The following DACT3 variants were observed in gnomAD, a reference collection of about 807,000 sequenced individuals.
DACT3 encodes the protein dishevelled binding antagonist of beta catenin 3.
In DACT3, 5 loss-of-function variants were observed where a neutral mutation model predicts 19.6. The observed-to-expected ratio is 0.26, with a 90% CI of 0.13 to 0.54. The LOEUF (loss-of-function observed/expected upper bound fraction) is 0.54. DACT3 is among the 20% of genes least tolerant of loss of function. The pLI is 0.95. For synonymous variants in DACT3, 454 were observed against 428.1 expected, an observed-to-expected ratio of 1.06 and a Z score of -0.75; for missense variants, 908 against 927.4, an observed-to-expected ratio of 0.98 and a Z score of 0.27.
intron 1 of DACT3, chr19:46,659,019 GCCTTGAAGGAAGTGTATT>G: frequency 1.1e-6 from 1 of 886,276 alleles, no homozygotes; most frequent in Non-Finnish European, 1.4e-6. Flanking sequence ...AGTCTTTCTT[GCCTTGAAGGAAGTGTATT>G]CCTGGCAGGG....
In DACT3 at chr19:46,660,870, C is replaced by T. The variant is rs571911443; in HGVS notation, c.195G>A (p.Glu65=). 4.8e-4 allele frequency: 741 copies of T among 1,532,134 alleles called. 4 individuals carry two copies. In the African/African-American group the frequency reaches 9.4e-3, roughly 19 times the overall value. The allele number at this position is 1,532,134 out of a possible 1,614,324, so 94.9% of individuals were successfully genotyped here. Residue 65 remains glutamate (E), a synonymous_variant, in exon 1 of 4, where the codon GAG becomes GAA. Coordinates refer to ENST00000391916, the MANE Select transcript of DACT3 (RefSeq NM_145056.3). This position sits in a 1 kb window ranked among gnomAD's most constrained non-coding sequence, Gnocchi z 4.9. ...AEAEDEEDAD[E]DEDAAAARRA... Reference sequence around the variant, plus strand: ...GGCGCGCCGCCGCCGCATCTTCATCCTCATCGGCGTCCTCCTCGTCCTCGG... The same window carrying T: ...GGCGCGCCGCCGCCGCATCTTCATCTTCATCGGCGTCCTCCTCGTCCTCGG...
Position 46,652,653 on chromosome 19 carries a change from A to G in DACT3, c.499+7T>C. The G allele has an allele frequency of 6.5e-7, 1 of 1,549,914 alleles. No individual in the cohort carries two copies. Among genetic ancestry groups the G allele is most frequent in the Non-Finnish European group, 8.7e-7 (1 of 1,146,780 alleles). On this transcript the variant is annotated splice_region_variant and intron_variant, in intron 3 of 3. Coordinates refer to ENST00000391916, the MANE Select transcript of DACT3 (RefSeq NM_145056.3). ...TGGCCCCAGGGCCCCACCCTCACCC[A>G]CCTTACCTAGGGACTTGGGCCTCTC...
rs1024249415 is a variant in DACT3 at position 46,649,066 on chromosome 19, C to T, written c.1306G>A (p.Ala436Thr). 335 of 1,290,748 alleles carry T rather than the reference C, an allele frequency of 2.6e-4. No homozygotes were observed. Among genetic ancestry groups the T allele is most frequent in the Non-Finnish European group, 3.2e-4 (324 of 1,021,684 alleles). 80.0% of individuals were successfully genotyped at this position (1,290,748 alleles called of 1,614,324 possible). ...TACTTAGGGGGCCCCGAAGGGACCG[C>T]GGAGGCGCGGCCCAGCAGGCTGGTC... ...SETSLLGRAS[A>T]VPSGPPKYPT... Residue 436 changes from alanine (A) to threonine (T), a missense_variant, in exon 4 of 4, where the codon GCG (alanine) becomes ACG (threonine). This residue lies in a region of DACT3 where 656 missense variants were observed against 601.8 expected (regional missense o/e 1.09). Transcript: ENST00000391916.
rs1335645864 is a variant in DACT3 at position 46,661,036 on chromosome 19, C to A, written c.29G>T (p.Ser10Ile). 2.0e-6 allele frequency: 3 copies of A among 1,517,616 alleles called. No homozygotes were observed. In the African/African-American group the frequency reaches 4.3e-5, roughly 22 times the overall value. 94.0% of individuals were successfully genotyped at this position (1,517,616 alleles called of 1,614,324 possible). A position where few individuals can be genotyped will look rare whatever the true frequency, so the allele number is the denominator to read the frequency against. Residue 10 changes from serine to isoleucine, a missense_variant, in exon 1 of 4, where the codon AGC (serine) becomes ATC (isoleucine). Physicochemically the swap from Ser to Ile is moderately radical, Grantham distance 142. Around this residue, in one of 2 missense-constraint regions of DACT3, gnomAD observed 252 missense variants for 325.6 expected, o/e 0.77. Coordinates refer to ENST00000391916, the MANE Select transcript of DACT3 (RefSeq NM_145056.3). ...GCCCCGCAGCCGGCCCCGCTCAGGG[C>A]TCACCGGGAACGAGAAGGCCCGGAT... MIRAFSFPV[S>I]PERGRLRGWL...
intron 1 of DACT3, chr19:46,654,091 A>G (rs920127996): frequency 1.0e-6 from 1 of 985,232 alleles, no homozygotes; most frequent in African/African-American, 1.7e-5. Flanking sequence ...CAGCCATCCC[A>G]GCACGTTCCT....
Position 46,660,831 on chromosome 19 carries a change from G to A in DACT3, c.234C>T (p.Ala78=). The change falls in exon 1 of 4, where the codon GCC becomes GCT. Residue 78 remains alanine, a synonymous_variant. Coordinates refer to ENST00000391916, the MANE Select transcript of DACT3 (RefSeq NM_145056.3). This position sits in a 1 kb window ranked among gnomAD's most constrained non-coding sequence, Gnocchi z 4.9. ...AGCCCCTTACCAGCTGCTCCTCCAG[G>A]GCCGCTGCGGCCCGGCGCGCCGCCG... ...DAAAARRAAA[A]LEEQLEALPG... 1 of 1,512,910 alleles carries A rather than the reference G, an allele frequency of 6.6e-7. No individual in the cohort carries two copies. Among genetic ancestry groups the A allele is most frequent in the Non-Finnish European group, 8.8e-7 (1 of 1,136,604 alleles). The allele number at this position is 1,512,910 out of a possible 1,614,324, so 93.7% of individuals were successfully genotyped here. A position where few individuals can be genotyped will look rare whatever the true frequency, so the allele number is the denominator to read the frequency against.
rs557971018 is a variant in DACT3 at position 46,655,925 on chromosome 19, C to CTA, written c.250-2852_250-2851dup. ...AGTCTCTCTCTCTCTCTCTCTCTCT[C>CTA]TATATATATATATATATATATACAC... On this transcript the variant is annotated intron_variant, in intron 1 of 3. Coordinates refer to ENST00000391916, the MANE Select transcript of DACT3 (RefSeq NM_145056.3). 1.0e-3 allele frequency among the ~76,000 whole-genome samples: 141 copies of CTA among 137,914 alleles called. No homozygotes were observed. In the Middle Eastern group the frequency reaches 0.011, roughly 11 times the overall value. The allele number at this position is 137,914 out of a possible 152,430, so 90.5% of individuals were successfully genotyped here. A position where few individuals can be genotyped will look rare whatever the true frequency, so the allele number is the denominator to read the frequency against.
At position 46,659,036 on chromosome 19, in the gene DACT3, T is replaced by G. The variant is rs2053053294; in HGVS notation, c.249+1780A>C. On this transcript the variant is annotated intron_variant, in intron 1 of 3. Transcript: ENST00000391916. Reference sequence around the variant, plus strand: ...TCTTTCTTGCCTTGAAGGAAGTGTATTCCTGGCAGGGGCTGGGGGTGGGGG... The same window carrying G: ...TCTTTCTTGCCTTGAAGGAAGTGTAGTCCTGGCAGGGGCTGGGGGTGGGGG... 9 of 961,510 alleles carry G rather than the reference T, an allele frequency of 9.4e-6. No individual in the cohort carries two copies. The South Asian group carries it at 4.3e-4, about 46-fold the overall frequency. The allele number at this position is 961,510 out of a possible 1,614,324, so 59.6% of individuals were successfully genotyped here.
chr19:46,659,329 G>C, intron 1 of DACT3: 4 of 947,590 alleles, frequency 4.2e-6, no homozygotes, highest in Non-Finnish European at 3.8e-6. Flanking sequence ...CGAGGAGAGG[G>C]AGACTGAAGG....
In DACT3 at chr19:46,648,381, G is replaced by T; in HGVS notation, c.*101C>A. 6.3e-7 allele frequency: 1 copy of T among 1,576,498 alleles called. No homozygotes were observed. The highest frequency in any genetic ancestry group is 8.6e-7 in the Non-Finnish European group (1 of 1,159,274). On this transcript the variant is annotated 3_prime_UTR_variant, in exon 4 of 4. Transcript: ENST00000391916. This position sits in a 1 kb window ranked among gnomAD's most constrained non-coding sequence, Gnocchi z 5.1. ...AGAGTGAGGGGGGTCTTTGGAAGCA[G>T]AGAAAACGATGGTCTTTGGAAGGTA...
intron 1 of DACT3, chr19:46,654,346 C>T (rs768421214): frequency 2.4e-4 from 134 of 564,948 alleles, no homozygotes; most frequent in Non-Finnish European, 2.8e-4. Flanking sequence ...ACTAGCGGGG[C>T]GTGGTGGTTT....
intron 3 of DACT3, 188 bp downstream of exon 3, chr19:46,652,472 C>T: frequency 1.4e-6 from 1 of 700,250 alleles, no homozygotes. Flanking sequence ...AGCCACCGCA[C>T]CCAGCCATAT....
intron 1 of DACT3, chr19:46,654,124 C>T (rs2053012813): frequency 3.0e-6 from 3 of 985,282 alleles, no homozygotes; most frequent in Non-Finnish European, 1.2e-6. Context: ...CCACATCCTC[C>T]TTCTGCCTTT....
chr19:46,658,241 A>G (rs535802526), intron 1 of DACT3, among the ~76,000 whole-genome samples: 2 of 151,390 alleles, frequency 1.3e-5, no homozygotes, highest in South Asian at 2.1e-4. Flanking sequence ...AAAAAAAAAA[A>G]AAAATTAGCC....
chr19:46,656,596 C>T (rs186984702), intron 1 of DACT3, among the ~76,000 whole-genome samples: 5 of 152,260 alleles, frequency 3.3e-5, no homozygotes, highest in East Asian at 1.9e-4. Flanking sequence ...GCAGTCCTCC[C>T]GCCTCGGTCT....
intron 1 of DACT3, chr19:46,654,037 G>C (rs2053011670): frequency 1.0e-6 from 1 of 985,330 alleles, no homozygotes. Context: ...AACCTCCCAA[G>C]CCTCCTAGAC....
intron 1 of DACT3, among the ~76,000 whole-genome samples, chr19:46,657,021 A>T (rs549225218): frequency 1.7e-4 from 26 of 152,332 alleles, no homozygotes; most frequent in African/African-American, 6.3e-4. Flanking sequence ...CAAAGCTTTG[A>T]CAAAAGCTCT....
chr19:46,652,294 A>G, intron 3 of DACT3: 1 of 277,630 alleles, frequency 3.6e-6, no homozygotes, highest in Non-Finnish European at 6.7e-6. Context: ...CCCAGGTTCA[A>G]GCGATCCTCC....
intron 3 of DACT3, chr19:46,650,127 A>AATT: frequency 1.1e-5 from 1 of 94,822 alleles, no homozygotes; most frequent in Non-Finnish European, 1.9e-5. Context: ...CTTACCCCCT[A>AATT]TTTTTTTTTT....
Sources: gnomAD v4.1 joint callset for allele counts (sites outside exome capture counted in the v4.1 genomes callset) on GRCh38, gnomAD v4.1.1 for gene constraint, gnomAD v4.1.1 regional missense constraint, Gnocchi (gnomAD v3.1) non-coding constraint, MANE v1.5 for transcripts, NCBI Gene and HGNC (gene_info 2026-07-23, HGNC 2026-07-21) for gene names.